SKA2: variants seen among roughly 807,000 people sequenced by gnomAD.
SKA2 encodes spindle and kinetochore-associated protein 2.
SKA2 carries 13 observed loss-of-function variants against 16.9 expected under a neutral mutation model. The observed-to-expected ratio is 0.77, with a 90% confidence interval of 0.50 to 1.22. The LOEUF is 1.22. Ranked by LOEUF, SKA2 falls within the 50% of genes most tolerant of loss-of-function variation. The pLI is 0.00. For missense variants in SKA2, 107 were observed against 139.7 expected, an observed-to-expected ratio of 0.77 and a Z score of 1.18; for synonymous variants, 47 against 48.5, an observed-to-expected ratio of 0.97 and a Z score of 0.13.
intron 2 of SKA2, among the ~76,000 whole-genome samples, chr17:59,130,045 GGAGA>G (rs1177150381): frequency 6.3e-5 from 8 of 127,610 alleles, no homozygotes; most frequent in Admixed American, 6.2e-4. Flanking sequence ...GAGGCGGGGG[GGAGA>G]GAGAGAAAGA....
chr17:59,147,427 G>A (rs1035015803), intron 1 of SKA2, among the ~76,000 whole-genome samples: 1 of 135,238 alleles, frequency 7.4e-6, no homozygotes, highest in African/African-American at 3.1e-5. Flanking sequence ...GAATAAAATG[G>A]CTTTATGATG....
At chr17:59,144,218 C>G (rs1273402510) in intron 1 of SKA2, among the ~76,000 whole-genome samples, 1 of 150,644 alleles carries the variant, frequency 6.6e-6, no homozygotes, top group Non-Finnish European at 1.5e-5. Context: ...TAGGAACCTA[C>G]TCATAGTCAT....
At chr17:59,139,933 C>G (rs945332113) in intron 1 of SKA2, among the ~76,000 whole-genome samples, 1 of 152,108 alleles carries the variant, frequency 6.6e-6, no homozygotes, top group African/African-American at 2.4e-5. Flanking sequence ...ACCTGGGAAC[C>G]CAACTACCCT....
intron 2 of SKA2, among the ~76,000 whole-genome samples, chr17:59,126,721 T>C (rs187046662): frequency 6.6e-6 from 1 of 152,270 alleles, no homozygotes; most frequent in Admixed American, 6.5e-5. Context: ...TCCTCAAAAA[T>C]TGAAACACAG....
rs2046253337 is a variant in SKA2 at position 59,109,984 on chromosome 17, A to G, written c.*2293T>C. 1 of 152,128 alleles carries G rather than the reference A, an allele frequency of 6.6e-6. No homozygotes were observed. The highest frequency in any genetic ancestry group is 2.1e-4 in the South Asian group (1 of 4,834). The allele number at this position is 152,128 out of a possible 1,614,324, so 9.4% of individuals were successfully genotyped here. On this transcript the variant is annotated 3_prime_UTR_variant, in exon 4 of 4. Transcript: ENST00000330137. ...AGAGGATTGTAGGTTTTATTGACTA[A>G]GAAGATAAAGGGATGCAAATTAGTT...
At chr17:59,130,012 AGAGG>A (rs1278481446) in intron 2 of SKA2, among the ~76,000 whole-genome samples, 28 of 132,194 alleles carry the variant, frequency 2.1e-4, no homozygotes, top group South Asian at 1.5e-3. Context: ...AGAGAAAAAG[AGAGG>A]GAGGGAGGAA....
chr17:59,126,136 A>C (rs1310548195), intron 2 of SKA2, among the ~76,000 whole-genome samples: 3 of 152,070 alleles, frequency 2.0e-5, no homozygotes, highest in African/African-American at 7.2e-5. Flanking sequence ...GCGCCACTGC[A>C]CTCCAGCCTG....
chr17:59,149,372 G>A (rs2046559517), intron 1 of SKA2, among the ~76,000 whole-genome samples: 1 of 152,062 alleles, frequency 6.6e-6, no homozygotes, highest in Non-Finnish European at 1.5e-5. Context: ...AGCCAGGTAT[G>A]GTGATGCACA....
In SKA2 at chr17:59,109,933, G is replaced by T. The variant is rs1372555371; in HGVS notation, c.*2344C>A. 6.6e-6 allele frequency: 1 copy of T among 152,204 alleles called. No homozygotes were observed. Among genetic ancestry groups the T allele is most frequent in the African/African-American group, 2.4e-5 (1 of 41,454 alleles). The allele number at this position is 152,204 out of a possible 1,614,324, so 9.4% of individuals were successfully genotyped here. On this transcript the variant is annotated 3_prime_UTR_variant, in exon 4 of 4. Transcript: ENST00000330137. ...TAAGGAGGTGTGAAGATAATGTAGAGGTTGTATACTATGACCATTTTAGAA... is the reference window on the plus strand; with the variant it reads ...TAAGGAGGTGTGAAGATAATGTAGATGTTGTATACTATGACCATTTTAGAA...
chr17:59,110,988 T>A lies in SKA2; in HGVS notation c.*1289A>T, dbSNP rs531853872. The A allele has an allele frequency of 6.6e-6, 1 of 152,160 alleles. No homozygotes were observed. Among genetic ancestry groups the A allele is most frequent in the Non-Finnish European group, 1.5e-5 (1 of 68,026 alleles). 9.4% of individuals were successfully genotyped at this position (152,160 alleles called of 1,614,324 possible). On this transcript the variant is annotated 3_prime_UTR_variant, in exon 4 of 4. Coordinates refer to ENST00000330137, the MANE Select transcript of SKA2 (RefSeq NM_182620.4). ...CCTGCAGAACTAACATTTGATGCATTTTTCCTAGTCCTTTCAATGCTTAGT... is the reference window on the plus strand; with the variant it reads ...CCTGCAGAACTAACATTTGATGCATATTTCCTAGTCCTTTCAATGCTTAGT...
At chr17:59,140,904 T>C (rs890751265) in intron 1 of SKA2, among the ~76,000 whole-genome samples, 1 of 151,670 alleles carries the variant, frequency 6.6e-6, no homozygotes, top group African/African-American at 2.4e-5. Context: ...ATTACAGGCA[T>C]GAGCCACCGC....
chr17:59,146,372 G>A (rs1013803881), intron 1 of SKA2, among the ~76,000 whole-genome samples: 2 of 152,220 alleles, frequency 1.3e-5, no homozygotes, highest in South Asian at 2.1e-4. Context: ...GGCGATGCAC[G>A]CCTGTAATCC....
rs114341814 is a variant in SKA2, at chr17:59,131,068, A to C, written c.120+213T>G. ...ACTCAATGATTATTTTTTAAAGGTT[A>C]GGGGAAAAAAAGTAGCCACAAATTT... is the stretch of plus-strand genomic sequence containing the variant. On this transcript the variant is annotated intron_variant, in intron 2 of 3. Transcript: ENST00000330137. Among the ~76,000 whole-genome samples, 1,021 of 152,248 alleles carry C rather than the reference A, an allele frequency of 6.7e-3. 6 individuals are homozygous for C. The highest frequency in any genetic ancestry group is 0.023 in the African/African-American group (956 of 41,558).
At chr17:59,136,616 T>C (rs2046447198) in intron 1 of SKA2, among the ~76,000 whole-genome samples, 1 of 151,650 alleles carries the variant, frequency 6.6e-6, no homozygotes, top group Non-Finnish European at 1.5e-5. Context: ...TGGCACAATC[T>C]TGGCTGACTG....
intron 2 of SKA2, among the ~76,000 whole-genome samples, chr17:59,125,050 C>T (rs1350158126): frequency 6.6e-5 from 10 of 151,284 alleles, no homozygotes; most frequent in South Asian, 4.2e-4. Context: ...CTCAGCTCAC[C>T]GCAACTTTCG....
chr17:59,113,899 G>A (rs2046280013), intron 3 of SKA2, among the ~76,000 whole-genome samples: 1 of 151,890 alleles, frequency 6.6e-6, no homozygotes, highest in South Asian at 2.1e-4. Context: ...AGACTTCTGG[G>A]CTGACTTATT....
chr17:59,154,173 A>G (rs1291710081), intron 1 of SKA2, among the ~76,000 whole-genome samples: 13 of 58,512 alleles, frequency 2.2e-4, no homozygotes, highest in South Asian at 6.0e-4. Flanking sequence ...CCAACCTGGG[A>G]AAAAAAAAAA....
chr17:59,148,649 A>T lies in SKA2; in HGVS notation c.33+6482T>A, dbSNP rs188222509. On this transcript the variant is annotated intron_variant, in intron 1 of 3. Coordinates refer to ENST00000330137, the MANE Select transcript of SKA2 (RefSeq NM_182620.4). ...TGTTGCCCAGACTAGTACAAAAAAA[A>T]TTTTTTTAATTAGCTAGGAGTGGTG... Among the ~76,000 whole-genome samples the T allele has an allele frequency of 2.1e-3, 315 of 151,714 alleles. 2 individuals carry two copies. The highest frequency in any genetic ancestry group is 6.5e-3 in the African/African-American group (268 of 41,370).
chr17:59,146,368 G>A (rs896733749), intron 1 of SKA2, among the ~76,000 whole-genome samples: 17 of 152,094 alleles, frequency 1.1e-4, no homozygotes, highest in African/African-American at 4.1e-4. Context: ...GCATGGCGAT[G>A]CACGCCTGTA....
Sources: allele counts gnomAD v4.1 joint callset (sites outside exome capture counted in the v4.1 genomes callset), GRCh38; gene constraint gnomAD v4.1.1; transcripts MANE v1.5; gene names NCBI Gene and HGNC (gene_info 2026-07-23, HGNC 2026-07-21).